DNAJC5: variants seen among roughly 807,000 people sequenced by gnomAD.
DNAJC5 encodes the protein dnaJ homolog subfamily C member 5.
A neutral mutation model predicts 23.2 loss-of-function variants in DNAJC5; 1 was observed. That is an observed-to-expected ratio of 0.04 (90% CI 0.02 to 0.20). DNAJC5 has a LOEUF of 0.20. Among genes scored for constraint, DNAJC5 ranks in the 10% least tolerant of loss-of-function variants. The probability of loss-of-function intolerance (pLI) is 1.00; values close to 1 mark genes in which losing one functional copy is unlikely to be tolerated. For synonymous variants in DNAJC5, 136 were observed against 120.0 expected (o/e 1.13, Z -0.87); for missense variants, 180 against 267.0 (o/e 0.67, Z 2.27).
intron 1 of DNAJC5, among the ~76,000 whole-genome samples, chr20:63,924,230 A>G (rs1231093450): frequency 6.6e-6 from 1 of 150,766 alleles, no homozygotes; most frequent in Non-Finnish European, 1.5e-5. Flanking sequence ...ATCCTCTTGG[A>G]TTAGGGTTAG....
chr20:63,913,534 C>T (rs1432558910), intron 1 of DNAJC5, among the ~76,000 whole-genome samples: 1 of 151,160 alleles, frequency 6.6e-6, no homozygotes, highest in Admixed American at 6.6e-5. Context: ...GTAGCTGGGA[C>T]TATAGGCGTG....
At chr20:63,926,637 C>A (rs1438871800) in intron 1 of DNAJC5, among the ~76,000 whole-genome samples, 2 of 152,242 alleles carry the variant, frequency 1.3e-5, no homozygotes, top group Non-Finnish European at 2.9e-5. Flanking sequence ...GGGATAATAA[C>A]AGTCCAAGGA....
At chr20:63,917,314 G>T (rs202156106) in intron 1 of DNAJC5, among the ~76,000 whole-genome samples, 1 of 152,096 alleles carries the variant, frequency 6.6e-6, no homozygotes, top group Admixed American at 6.6e-5. Context: ...GGAATACATG[G>T]TGTGATCTTG....
Position 63,931,749 on chromosome 20 carries a change from G to T in DNAJC5, c.*181G>T. ...TGACCCACGAAGTGCGTAGCATGCAGTATTTAAAGCAGTGTAGCTACGGTC... is the reference window on the plus strand; with the variant it reads ...TGACCCACGAAGTGCGTAGCATGCATTATTTAAAGCAGTGTAGCTACGGTC... On this transcript the variant is annotated 3_prime_UTR_variant, in exon 5 of 5. Transcript: ENST00000360864. The surrounding 1 kb of genome is among the most constrained non-coding windows in gnomAD (Gnocchi z 9.6). The T allele has an allele frequency of 1.5e-6, 1 of 674,200 alleles. No homozygotes were observed. Among genetic ancestry groups the T allele is most frequent in the South Asian group, 1.6e-5 (1 of 63,226 alleles). The allele number at this position is 674,200 out of a possible 1,614,324, so 41.8% of individuals were successfully genotyped here. A position where few individuals can be genotyped will look rare whatever the true frequency, so the allele number is the denominator to read the frequency against.
At chr20:63,911,147 C>T (rs933869491) in intron 1 of DNAJC5, among the ~76,000 whole-genome samples, 1 of 152,164 alleles carries the variant, frequency 6.6e-6, no homozygotes, top group Non-Finnish European at 1.5e-5. Flanking sequence ...ACTGAATGCT[C>T]TATTAGGACC....
intron 1 of DNAJC5, among the ~76,000 whole-genome samples, chr20:63,903,219 T>A (rs2053426067): frequency 6.6e-6 from 1 of 152,280 alleles, no homozygotes; most frequent in African/African-American, 2.4e-5. Context: ...TGCCTCAGCC[T>A]CCCAAGGTGG....
chr20:63,918,836 C>G (rs2053537484), intron 1 of DNAJC5, among the ~76,000 whole-genome samples: 1 of 152,186 alleles, frequency 6.6e-6, no homozygotes, highest in African/African-American at 2.4e-5. Context: ...CCTTGTGACC[C>G]GCCCGCCTTG....
chr20:63,931,405 A>G lies in DNAJC5; in HGVS notation c.494-60A>G. 2 of 1,472,002 alleles carry G rather than the reference A, an allele frequency of 1.4e-6. No individual in the cohort carries two copies. The highest frequency in any genetic ancestry group is 1.2e-5 in the South Asian group (1 of 82,790). 91.2% of individuals were successfully genotyped at this position (1,472,002 alleles called of 1,614,324 possible). On this transcript the variant is annotated intron_variant, in intron 4 of 4. Transcript: ENST00000360864. This position sits in a 1 kb window ranked among gnomAD's most constrained non-coding sequence, Gnocchi z 9.6. ...TGCCCGAAAGTCGCTCCACAGGACC[A>G]GCGTTGGGTGCGCGCCAGGCTGTGG...
intron 1 of DNAJC5, among the ~76,000 whole-genome samples, chr20:63,917,899 A>T (rs1415556769): frequency 6.6e-6 from 1 of 152,034 alleles, no homozygotes; most frequent in Non-Finnish European, 1.5e-5. Context: ...TTTCCCAGGG[A>T]GTGGGGGCAC....
chr20:63,912,901 C>T lies in DNAJC5; in HGVS notation c.-11-15434C>T, dbSNP rs775880603. 8.5e-5 allele frequency among the ~76,000 whole-genome samples: 13 copies of T among 152,136 alleles called. 1 individual carries two copies. The highest frequency in any genetic ancestry group is 1.3e-4 in the Non-Finnish European group (9 of 68,014). ...GGATGACAGGTTTGGCCACCGTGCC[C>T]GGCCGGCAGTCAGTTTTTACATGGT... On this transcript the variant is annotated intron_variant, in intron 1 of 4. Coordinates refer to ENST00000360864, the MANE Select transcript of DNAJC5 (RefSeq NM_025219.3).
chr20:63,903,058 A>G (rs1004007508), intron 1 of DNAJC5, among the ~76,000 whole-genome samples: 1 of 151,834 alleles, frequency 6.6e-6, no homozygotes, highest in Admixed American at 6.6e-5. Context: ...AGCTCACTGC[A>G]TTCTCCCAGG....
intron 1 of DNAJC5, among the ~76,000 whole-genome samples, chr20:63,908,751 G>C (rs946675161): frequency 2.0e-5 from 3 of 152,102 alleles, no homozygotes; most frequent in African/African-American, 7.2e-5. Flanking sequence ...AGGGAGCTGT[G>C]GTCCCACCAT....
At chr20:63,926,046 T>G (rs990026078) in intron 1 of DNAJC5, among the ~76,000 whole-genome samples, 1 of 152,130 alleles carries the variant, frequency 6.6e-6, no homozygotes, top group South Asian at 2.1e-4. Context: ...GCCAGGATGG[T>G]CTCAATCTCC....
intron 1 of DNAJC5, among the ~76,000 whole-genome samples, chr20:63,916,267 A>G (rs2053515010): frequency 6.6e-6 from 1 of 152,232 alleles, no homozygotes; most frequent in Non-Finnish European, 1.5e-5. Flanking sequence ...ACCCGCCCCC[A>G]ATATTTCAAT....
chr20:63,921,278 GATA>G (rs2053569798), intron 1 of DNAJC5, among the ~76,000 whole-genome samples: 1 of 152,176 alleles, frequency 6.6e-6, no homozygotes, highest in Admixed American at 6.5e-5. Context: ...GCTTTTTAAA[GATA>G]ATGATGTCAC....
At chr20:63,925,138 G>A (rs2053601607) in intron 1 of DNAJC5, among the ~76,000 whole-genome samples, 1 of 152,152 alleles carries the variant, frequency 6.6e-6, no homozygotes, top group South Asian at 2.1e-4. Context: ...AGAGCTTGCT[G>A]ATGGGTTTGT....
At chr20:63,904,479 G>T (rs1406979886) in intron 1 of DNAJC5, among the ~76,000 whole-genome samples, 1 of 152,164 alleles carries the variant, frequency 6.6e-6, no homozygotes, top group Non-Finnish European at 1.5e-5. Context: ...TAAGACAAGG[G>T]CACTGTAACT....
In DNAJC5 at chr20:63,931,689, C is replaced by T. The variant is rs2053673406; in HGVS notation, c.*121C>T. 1 of 1,029,456 alleles carries T rather than the reference C, an allele frequency of 9.7e-7. No individual in the cohort carries two copies. The highest frequency in any genetic ancestry group is 1.6e-5 in the African/African-American group (1 of 63,260). The allele number at this position is 1,029,456 out of a possible 1,614,324, so 63.8% of individuals were successfully genotyped here. A position where few individuals can be genotyped will look rare whatever the true frequency, so the allele number is the denominator to read the frequency against. ...CTGCCTGCCCTGGCCTTGCTGGGGC[C>T]CCTCCTGCCTCCACGCCCACCCAGC... On this transcript the variant is annotated 3_prime_UTR_variant, in exon 5 of 5. Transcript: ENST00000360864. The surrounding 1 kb of genome is among the most constrained non-coding windows in gnomAD (Gnocchi z 9.6).
At chr20:63,917,747 G>A (rs2053525067) in intron 1 of DNAJC5, among the ~76,000 whole-genome samples, 1 of 151,834 alleles carries the variant, frequency 6.6e-6, no homozygotes, top group South Asian at 2.1e-4. Context: ...GGCAGAGACA[G>A]GGTTTCACCA....
Sources: allele counts gnomAD v4.1 joint callset (sites outside exome capture counted in the v4.1 genomes callset), GRCh38; gene constraint gnomAD v4.1.1; non-coding constraint Gnocchi (gnomAD v3.1); transcripts MANE v1.5; gene names NCBI Gene and HGNC (gene_info 2026-07-23, HGNC 2026-07-21).